The following RPS6KC1 variants were observed in gnomAD, a reference collection of about 807,000 sequenced individuals.
The protein encoded by RPS6KC1 is ribosomal protein S6 kinase C1.
Under a neutral mutation model 103.8 loss-of-function variants are expected in RPS6KC1, and 54 were observed. That is an observed-to-expected ratio of 0.52 (90% CI 0.42 to 0.65). The LOEUF is 0.65. RPS6KC1 is among the 30% of genes least tolerant of loss of function. The pLI, the probability that RPS6KC1 is intolerant of heterozygous loss-of-function variation, is 0.00. For synonymous variants in RPS6KC1, 439 were observed against 438.7 expected (o/e 1.00, Z -0.01); for missense variants, 1,151 against 1,253.8 (o/e 0.92, Z 1.24).
intron 3 of RPS6KC1, among the ~76,000 whole-genome samples, chr1:213,103,333 A>G (rs2082176797): frequency 6.6e-6 from 1 of 152,222 alleles, no homozygotes. Flanking sequence ...TCAGTATGAT[A>G]GAACTTGAAG....
chr1:213,850,382 G>A, the RPS6KC1 span, among the ~76,000 whole-genome samples: 1 of 152,164 alleles, frequency 6.6e-6, no homozygotes, highest in East Asian at 1.9e-4. Context: ...TGAAAAGGAT[G>A]TTCACGTTTT....
chr1:213,369,947 A>G, the RPS6KC1 span, among the ~76,000 whole-genome samples: 1 of 152,136 alleles, frequency 6.6e-6, no homozygotes, highest in African/African-American at 2.4e-5. Context: ...TTCCTCAAGA[A>G]ACCCTCTAGG....
the RPS6KC1 span, among the ~76,000 whole-genome samples, chr1:213,596,956 G>A: frequency 6.6e-6 from 1 of 152,214 alleles, no homozygotes; most frequent in African/African-American, 2.4e-5. Context: ...CACTGTGACT[G>A]TGGCTGGACA....
At chr1:213,856,724 AGTT>A in the RPS6KC1 span, among the ~76,000 whole-genome samples, 1 of 152,246 alleles carries the variant, frequency 6.6e-6, no homozygotes, top group Non-Finnish European at 1.5e-5. Context: ...CACTTCCCTA[AGTT>A]CAATGTTTTG....
At chr1:213,527,856 A>G in the RPS6KC1 span, among the ~76,000 whole-genome samples, 2,652 of 152,304 alleles carry the variant, frequency 0.017, 76 homozygotes, top group African/African-American at 0.056. Flanking sequence ...TAGATGATGA[A>G]CATACATTTT....
the RPS6KC1 span, among the ~76,000 whole-genome samples, chr1:213,629,714 G>T: frequency 6.6e-6 from 1 of 152,162 alleles, no homozygotes; most frequent in Admixed American, 6.5e-5. Flanking sequence ...TTTTGCAGTG[G>T]CTGGTACCGG....
Position 213,240,759 on chromosome 1 carries a change from T to A in RPS6KC1, c.1283T>A (p.Phe428Tyr), listed in dbSNP as rs376486080. 10 of 1,613,774 alleles carry A rather than the reference T, an allele frequency of 6.2e-6. No homozygotes were observed. The highest frequency in any genetic ancestry group is 8.5e-6 in the Non-Finnish European group (10 of 1,179,822). ...KFLNRSPEES[F>Y]DIKEVKKPTL... Reference sequence around the variant, plus strand: ...CTAAACAGAAGTCCTGAAGAAAGCTTTGACATCAAGGAAGTGAAAAAACCT... The same window carrying A: ...CTAAACAGAAGTCCTGAAGAAAGCTATGACATCAAGGAAGTGAAAAAACCT... Residue 428 changes from phenylalanine to tyrosine, a missense_variant, in exon 11 of 15, where the codon TTT becomes TAT. Phe to Tyr is a conservative substitution (Grantham distance 22, BLOSUM62 3). Transcript: ENST00000366960.
the RPS6KC1 span, among the ~76,000 whole-genome samples, chr1:213,597,341 G>A: frequency 1.3e-5 from 2 of 152,156 alleles, no homozygotes; most frequent in Non-Finnish European, 2.9e-5. Flanking sequence ...GGGGCGAGGC[G>A]AGCGCAGGGT....
the RPS6KC1 span, among the ~76,000 whole-genome samples, chr1:213,367,772 T>C: frequency 6.6e-6 from 1 of 151,946 alleles, no homozygotes; most frequent in Non-Finnish European, 1.5e-5. Context: ...TAAATGACTC[T>C]CTAAGATCTT....
At chr1:213,232,749 A>G (rs867336978) in intron 10 of RPS6KC1, among the ~76,000 whole-genome samples, 8 of 152,302 alleles carry the variant, frequency 5.3e-5, no homozygotes, top group Middle Eastern at 3.4e-3. Context: ...GGCATCACAT[A>G]TGGGTACAAA....
At chr1:213,366,341 A>G in the RPS6KC1 span, among the ~76,000 whole-genome samples, 1 of 152,236 alleles carries the variant, frequency 6.6e-6, no homozygotes, top group Non-Finnish European at 1.5e-5. Flanking sequence ...CCACCAAGGC[A>G]TAGAACCATA....
At chr1:213,414,059 C>T in the RPS6KC1 span, among the ~76,000 whole-genome samples, 1 of 152,166 alleles carries the variant, frequency 6.6e-6, no homozygotes. Flanking sequence ...ACCTAATGAC[C>T]ATCTCCCCTC....
chr1:213,837,263 T>G, the RPS6KC1 span: 11 of 152,116 alleles, frequency 7.2e-5, no homozygotes, highest in African/African-American at 2.4e-4. Context: ...AGGCAAGATA[T>G]TTGTTTTTAA....
chr1:213,361,242 C>G, the RPS6KC1 span, among the ~76,000 whole-genome samples: 480 of 152,370 alleles, frequency 3.2e-3, 3 homozygotes, highest in African/African-American at 0.011. Context: ...TTTACCTACT[C>G]AAGCCTCAGC....
At position 213,143,701 on chromosome 1, in the gene RPS6KC1, T is replaced by G. The variant is rs375639935; in HGVS notation, c.835+13812T>G. Among the ~76,000 whole-genome samples, 16 of 152,190 alleles carry G rather than the reference T, an allele frequency of 1.1e-4. No homozygotes were observed. The East Asian group carries it at 2.5e-3, about 24-fold the overall frequency. On this transcript the variant is annotated intron_variant, in intron 6 of 14. Transcript: ENST00000366960. ...AAATCTCATTTTATTAGTTTTCTAT[T>G]GGTGCTTTAACTACTTAACATAAAC...
chr1:213,810,964 C>T, the RPS6KC1 span, among the ~76,000 whole-genome samples: 1 of 152,162 alleles, frequency 6.6e-6, no homozygotes, highest in African/African-American at 2.4e-5. Context: ...GGGTTTACTT[C>T]CATGGGCAAG....
chr1:213,766,429 C>A, the RPS6KC1 span, among the ~76,000 whole-genome samples: 1 of 152,146 alleles, frequency 6.6e-6, no homozygotes, highest in Non-Finnish European at 1.5e-5. Context: ...AAGACTTACC[C>A]ATGCAACACT....
the RPS6KC1 span, among the ~76,000 whole-genome samples, chr1:213,482,609 C>CGTGATCT: frequency 8.7e-6 from 1 of 114,622 alleles, no homozygotes; most frequent in Non-Finnish European, 1.6e-5. Context: ...AGTGCAGTGG[C>CGTGATCT]GTGATCTCGG....
intron 12 of RPS6KC1, among the ~76,000 whole-genome samples, chr1:213,247,250 A>G (rs1288936064): frequency 1.3e-5 from 2 of 152,170 alleles, no homozygotes; most frequent in Non-Finnish European, 2.9e-5. Flanking sequence ...CTCTTAGGCA[A>G]TTTCACACTT....
Sources: allele counts gnomAD v4.1 joint callset (sites outside exome capture counted in the v4.1 genomes callset), GRCh38; gene constraint gnomAD v4.1.1; transcripts MANE v1.5; gene names NCBI Gene and HGNC (gene_info 2026-07-23, HGNC 2026-07-21).